AOPEP: variants seen among roughly 807,000 people sequenced by gnomAD.
AOPEP encodes the protein aminopeptidase O.
Under a neutral mutation model 98.1 loss-of-function variants are expected in AOPEP, and 77 were observed. That is an observed-to-expected ratio of 0.78 (90% CI 0.65 to 0.95). The LOEUF is 0.95. AOPEP is among the 40% of genes least tolerant of loss of function. The probability of loss-of-function intolerance (pLI) is 0.00; values close to 1 mark genes in which losing one functional copy is unlikely to be tolerated. For missense variants in AOPEP, 1,024 were observed against 1,024.7 expected (o/e 1.00, Z 0.01); for synonymous variants, 346 against 365.3 (o/e 0.95, Z 0.60).
intron 7 of AOPEP, among the ~76,000 whole-genome samples, chr9:94,946,337 G>C (rs1461311343): frequency 2.6e-5 from 4 of 152,152 alleles, no homozygotes; most frequent in Non-Finnish European, 1.5e-5. Context: ...AGATATTAGA[G>C]TCAGAAAGGA....
intron 13 of AOPEP, among the ~76,000 whole-genome samples, chr9:95,032,937 A>G (rs985275174): frequency 6.6e-6 from 1 of 152,164 alleles, no homozygotes; most frequent in Non-Finnish European, 1.5e-5. Flanking sequence ...GATTCTTCTG[A>G]TACTGTGCCA....
chr9:94,965,248 C>T (rs1015467520), intron 9 of AOPEP, among the ~76,000 whole-genome samples: 25 of 152,208 alleles, frequency 1.6e-4, no homozygotes, highest in East Asian at 1.9e-4. Flanking sequence ...GTTGTCCCCC[C>T]GCTCCCATTT....
At chr9:94,858,327 A>G (rs1229837295) in intron 5 of AOPEP, among the ~76,000 whole-genome samples, 1 of 152,002 alleles carries the variant, frequency 6.6e-6, no homozygotes, top group Non-Finnish European at 1.5e-5. Flanking sequence ...AACGTTATGG[A>G]TTCTATATTA....
intron 11 of AOPEP, among the ~76,000 whole-genome samples, chr9:94,988,986 G>A (rs2060695186): frequency 6.6e-6 from 1 of 150,756 alleles, no homozygotes; most frequent in Admixed American, 6.6e-5. Context: ...TTGACTCACT[G>A]CAATCTCCGC....
intron 13 of AOPEP, among the ~76,000 whole-genome samples, chr9:95,006,409 T>C (rs892614768): frequency 4.6e-5 from 7 of 152,238 alleles, no homozygotes; most frequent in African/African-American, 1.7e-4. Context: ...GATGAATCAC[T>C]CTTGATTCTG....
chr9:94,768,321 C>T (rs190687767), intron 2 of AOPEP, among the ~76,000 whole-genome samples: 26 of 152,106 alleles, frequency 1.7e-4, no homozygotes, highest in African/African-American at 5.6e-4. Context: ...ACTTGATGGA[C>T]TGTAGTGGAA....
chr9:94,763,081 TAAGTTCTCAGGCTGGGATGAG>T, intron 2 of AOPEP: 1 of 442,950 alleles, frequency 2.3e-6, no homozygotes, highest in Middle Eastern at 3.5e-4. Flanking sequence ...ATACCCGCTC[TAAGTTCTCAGGCTGGGATGAG>T]AAGCTCTTTA....
At chr9:95,047,014 T>A (rs1348691278) in intron 13 of AOPEP, among the ~76,000 whole-genome samples, 1 of 152,210 alleles carries the variant, frequency 6.6e-6, no homozygotes, top group Non-Finnish European at 1.5e-5. Context: ...GTCATATTAA[T>A]ATTTAGAGAG....
intron 13 of AOPEP, among the ~76,000 whole-genome samples, chr9:95,017,201 A>G (rs1221688704): frequency 6.6e-6 from 1 of 151,986 alleles, no homozygotes; most frequent in African/African-American, 2.4e-5. Context: ...ACCATCACAC[A>G]TACATAAGCT....
At chr9:94,839,109 G>A (rs1316027648) in intron 5 of AOPEP, among the ~76,000 whole-genome samples, 1 of 140,842 alleles carries the variant, frequency 7.1e-6, no homozygotes, top group African/African-American at 2.7e-5. Context: ...TTTTTGAGAG[G>A]GAGTCTCACT....
At chr9:95,018,278 G>C (rs548401494) in intron 13 of AOPEP, among the ~76,000 whole-genome samples, 2 of 152,128 alleles carry the variant, frequency 1.3e-5, no homozygotes, top group Non-Finnish European at 2.9e-5. Context: ...TAGTTTCTCT[G>C]CCTCCTTGTC....
chr9:95,135,364 A>G, the AOPEP span: 1 of 1,614,124 alleles, frequency 6.2e-7, no homozygotes, highest in Non-Finnish European at 8.5e-7. Flanking sequence ...AATCTTTTAT[A>G]AAGCATTCGA....
downstream of AOPEP, among the ~76,000 whole-genome samples, chr9:95,091,648 G>A (rs1379821234): frequency 6.6e-6 from 1 of 152,164 alleles, no homozygotes; most frequent in Non-Finnish European, 1.5e-5. Flanking sequence ...GATTTACAAG[G>A]TGGAAGTGAG....
intron 14 of AOPEP, among the ~76,000 whole-genome samples, chr9:95,068,187 T>C (rs2068106429): frequency 6.6e-6 from 1 of 152,240 alleles, no homozygotes; most frequent in Admixed American, 6.5e-5. Context: ...TCATTTCTCT[T>C]AGGTATATTC....
At chr9:95,056,117 C>G (rs1420945397) in intron 13 of AOPEP, among the ~76,000 whole-genome samples, 2 of 152,064 alleles carry the variant, frequency 1.3e-5, no homozygotes, top group Admixed American at 6.5e-5. Flanking sequence ...AGTCTCCAGC[C>G]AGGATAAAAG....
intron 13 of AOPEP, among the ~76,000 whole-genome samples, chr9:95,040,848 A>G (rs2065223444): frequency 6.6e-6 from 1 of 152,248 alleles, no homozygotes; most frequent in African/African-American, 2.4e-5. Context: ...ATACCCAAAG[A>G]TAAAAATATT....
chr9:95,000,123 T>TA (rs918245044), intron 11 of AOPEP, among the ~76,000 whole-genome samples: 30 of 150,572 alleles, frequency 2.0e-4, no homozygotes, highest in African/African-American at 5.8e-4. Context: ...AAAATCCTCC[T>TA]AAAAAAAAAC....
intron 3 of AOPEP, among the ~76,000 whole-genome samples, chr9:94,780,184 A>C (rs768557562): frequency 9.2e-5 from 14 of 152,218 alleles, no homozygotes; most frequent in Admixed American, 9.2e-4. Context: ...AAGGTCCTGC[A>C]AAGCCTAAAA....
rs376203203 is a variant in AOPEP at position 94,961,576 on chromosome 9, A to G, written c.1872+5561A>G. On this transcript the variant is annotated intron_variant, in intron 9 of 16. Transcript: ENST00000375315. ...GTCTGTTCTTTTCCTTGACGTTTCT[A>G]TTAGTGCTCTTGTACTGGTCCTTAA... is the stretch of plus-strand genomic sequence containing the variant. Among the ~76,000 whole-genome samples, 38 of 152,190 alleles carry G rather than the reference A, an allele frequency of 2.5e-4. No homozygotes were observed. In the South Asian group the frequency reaches 7.3e-3, roughly 29 times the overall value.
Sources: gnomAD v4.1 joint callset for allele counts (sites outside exome capture counted in the v4.1 genomes callset) on GRCh38, gnomAD v4.1.1 for gene constraint, MANE v1.5 for transcripts, NCBI Gene and HGNC (gene_info 2026-07-23, HGNC 2026-07-21) for gene names.